The following NOX5 variants were observed in gnomAD, a reference collection of about 807,000 sequenced individuals.
NOX5 encodes the protein NADPH oxidase, EF-hand calcium binding domain 5.
A neutral mutation model predicts 85.7 loss-of-function variants in NOX5; 76 were observed. That is an observed-to-expected ratio of 0.89 (90% CI 0.74 to 1.07). NOX5 has a LOEUF of 1.07. Ranked by LOEUF, NOX5 falls within the 50% of genes least tolerant of loss-of-function variation. The probability of loss-of-function intolerance (pLI) is 0.00; values close to 1 mark genes in which losing one functional copy is unlikely to be tolerated. For missense variants in NOX5, 973 were observed against 999.5 expected (o/e 0.97, Z 0.36); for synonymous variants, 405 against 401.4 (o/e 1.01, Z -0.11).
chr15:69,031,416 G>A (rs753070630), intron 3 of NOX5, 102 bp from the exon 4 acceptor site: 4 of 1,311,812 alleles, frequency 3.0e-6, no homozygotes, highest in Non-Finnish European at 4.2e-6. Flanking sequence ...TGAGCTGAGG[G>A]TGACATTTGG....
rs2050838856 is a variant in NOX5 at position 69,058,365 on chromosome 15, C to T, written c.*1669C>T. 6.5e-6 allele frequency: 1 copy of T among 152,678 alleles called. No individual in the cohort carries two copies. The highest frequency in any genetic ancestry group is 1.5e-5 in the Non-Finnish European group (1 of 68,486). The allele number at this position is 152,678 out of a possible 1,614,324, so 9.5% of individuals were successfully genotyped here. Reference sequence around the variant, plus strand: ...AAGAATGAAGGTGGGGGAAAGCTCTCTTCTGAAAGGGGCAATAGGAAGGGG... The same window carrying T: ...AAGAATGAAGGTGGGGGAAAGCTCTTTTCTGAAAGGGGCAATAGGAAGGGG... On this transcript the variant is annotated 3_prime_UTR_variant, in exon 16 of 16. Transcript: ENST00000388866.
chr15:69,030,874 G>A (rs2050419970), intron 3 of NOX5: 1 of 152,238 alleles, frequency 6.6e-6, no homozygotes, highest in African/African-American at 2.4e-5. Context: ...CACTACCCCA[G>A]AGGACTTAGA....
In NOX5 at chr15:69,033,094, G is replaced by A. The variant is rs762614843; in HGVS notation, c.672G>A (p.Pro224=). The A allele has an allele frequency of 6.4e-6, 10 of 1,553,620 alleles. No homozygotes were observed. The highest frequency in any genetic ancestry group is 2.0e-4 in the Middle Eastern group (1 of 4,932). Reference sequence around the variant, plus strand: ...CCCCCCGCCCACGCCCGCGCCGGCCGCGCCAGCTGACCCGCGCCTACTGGC... The same window carrying A: ...CCCCCCGCCCACGCCCGCGCCGGCCACGCCAGCTGACCCGCGCCTACTGGC... ...APAPRPRPRR[P]RQLTRAYWHN... Residue 224 remains proline, a synonymous_variant, in exon 5 of 16, where the codon CCG becomes CCA. Coordinates refer to ENST00000388866, the MANE Select transcript of NOX5 (RefSeq NM_024505.4).
At chr15:69,041,903 G>T (rs1348451997) in intron 9 of NOX5, among the ~76,000 whole-genome samples, 5 of 151,278 alleles carry the variant, frequency 3.3e-5, no homozygotes, top group Admixed American at 6.6e-5. Flanking sequence ...ATCAGCTATT[G>T]TTAGTGTTAG....
Position 69,022,775 on chromosome 15 carries a change from G to A in NOX5, c.51-3753G>A, listed in dbSNP as rs145851052. On this transcript the variant is annotated intron_variant, in intron 1 of 15. Transcript: ENST00000388866. ...TTAGAATTCAATTCATCTGCAGTGT[G>A]TCAGAAGGAAAAAGAAACAGGACTA... The A allele has an allele frequency of 3.9e-4, 81 of 206,276 alleles. 1 individual carries two copies. Among genetic ancestry groups the A allele is most frequent in the African/African-American group, 1.8e-3 (74 of 42,074 alleles). 12.8% of individuals were successfully genotyped at this position (206,276 alleles called of 1,614,324 possible).
At chr15:69,040,107 C>T (rs1262838530) in intron 9 of NOX5, among the ~76,000 whole-genome samples, 1 of 152,228 alleles carries the variant, frequency 6.6e-6, no homozygotes, top group Non-Finnish European at 1.5e-5. Context: ...TGGCCCAGAT[C>T]CCTCAGCTCA....
chr15:69,049,089 G>A (rs1305030327), intron 14 of NOX5, 31 bp downstream of exon 14: 1 of 1,502,166 alleles, frequency 6.7e-7, no homozygotes, highest in South Asian at 1.2e-5. Flanking sequence ...GAGGGCAGTA[G>A]GAGTAGGGCA....
At chr15:69,042,840 C>A in intron 10 of NOX5, 35 bp downstream of exon 10, 2 of 1,599,748 alleles carry the variant, frequency 1.3e-6, no homozygotes, top group South Asian at 2.3e-5. Flanking sequence ...GTCCACTCTG[C>A]TGGCAAGTCC....
intron 13 of NOX5, among the ~76,000 whole-genome samples, chr15:69,048,272 C>T (rs2050701535): frequency 6.6e-6 from 1 of 152,230 alleles, no homozygotes. Context: ...GTGGCTCATG[C>T]CTGTAATCCT....
chr15:69,017,435 AGCCACTGCGGCCG>A, intron 1 of NOX5, among the ~76,000 whole-genome samples: 1 of 152,318 alleles, frequency 6.6e-6, no homozygotes, highest in East Asian at 1.9e-4. Flanking sequence ...TACAGGCATG[AGCCACTGCGGCCG>A]GCCAGACGTT....
intron 11 of NOX5, chr15:69,047,147 C>T: frequency 1.8e-6 from 1 of 563,034 alleles, no homozygotes; most frequent in Non-Finnish European, 3.1e-6. Flanking sequence ...CTCCTGGGCA[C>T]CCACGGCACA....
chr15:69,030,242 C>T (rs1374161172), intron 3 of NOX5: 1 of 152,170 alleles, frequency 6.6e-6, no homozygotes, highest in African/African-American at 2.4e-5. Context: ...ATTTCATACT[C>T]ATGGGGTTGA....
At chr15:69,031,414 G>T in intron 3 of NOX5, 104 bp from the exon 4 acceptor site, 1 of 1,295,646 alleles carries the variant, frequency 7.7e-7, no homozygotes, top group East Asian at 2.3e-5. Context: ...TCTGAGCTGA[G>T]GGTGACATTT....
chr15:69,023,695 T>C (rs1398768515), intron 1 of NOX5: 1 of 174,666 alleles, frequency 5.7e-6, no homozygotes, highest in African/African-American at 2.4e-5. Context: ...ACGTGCATTA[T>C]AAAAATAATG....
In NOX5 at chr15:69,044,182, T is replaced by TA. The variant is rs538980190; in HGVS notation, c.1647+1391dup. ...CTGGGCAACAGAATGAGGCTCCAAC[T>TA]AAAAAAAAAAAAAAGCTAATTGGAC... On this transcript the variant is annotated intron_variant, in intron 10 of 15. Transcript: ENST00000388866. Among the ~76,000 whole-genome samples the TA allele has an allele frequency of 9.9e-3, 1,333 of 134,326 alleles. 18 individuals carry two copies. The highest frequency in any genetic ancestry group is 0.032 in the African/African-American group (1,188 of 36,586). The allele number at this position is 134,326 out of a possible 152,430, so 88.1% of individuals were successfully genotyped here.
At chr15:69,031,357 G>T (rs2050426255) in intron 3 of NOX5, 161 bp from the exon 4 acceptor site, 1 of 714,810 alleles carries the variant, frequency 1.4e-6, no homozygotes, top group Admixed American at 3.0e-5. Flanking sequence ...CACCCGTGGG[G>T]AGGTGTCCAT....
In NOX5 at chr15:69,028,200, C is replaced by G; in HGVS notation, c.175-15C>G. The G allele has an allele frequency of 6.3e-7, 1 of 1,582,020 alleles. No homozygotes were observed. Among genetic ancestry groups the G allele is most frequent in the Non-Finnish European group, 8.6e-7 (1 of 1,163,248 alleles). ...CGGCCACAGTTGTGCTGTCTTCCAC[C>G]CTTCTCGCCCACAGTCCTTCTTTGC... On this transcript the variant is annotated splice_polypyrimidine_tract_variant and intron_variant, in intron 2 of 15. Transcript: ENST00000388866.
Position 69,056,776 on chromosome 15 carries a change from C to G in NOX5, c.*80C>G. 1 of 1,542,824 alleles carries G rather than the reference C, an allele frequency of 6.5e-7. No homozygotes were observed. Among genetic ancestry groups the G allele is most frequent in the Non-Finnish European group, 8.7e-7 (1 of 1,143,686 alleles). ...TTAGTATAAATGCCCCCACAGGGACCAGCCTCAGATGACCCACCCAATAAG... is the reference window on the plus strand; with the variant it reads ...TTAGTATAAATGCCCCCACAGGGACGAGCCTCAGATGACCCACCCAATAAG... On this transcript the variant is annotated 3_prime_UTR_variant, in exon 16 of 16. Transcript: ENST00000388866.
intron 8 of NOX5, 148 bp downstream of exon 8, chr15:69,037,358 A>C: frequency 2.5e-6 from 2 of 786,978 alleles, no homozygotes; most frequent in East Asian, 2.7e-5. Context: ...GAGAAGCAAA[A>C]TGCAAGACCC....
Sources: allele counts gnomAD v4.1 joint callset (sites outside exome capture counted in the v4.1 genomes callset), GRCh38; gene constraint gnomAD v4.1.1; transcripts MANE v1.5; gene names NCBI Gene and HGNC (gene_info 2026-07-23, HGNC 2026-07-21).